Variants in RERE observed in about 807,000 individuals in gnomAD.
The protein encoded by RERE is arginine-glutamic acid dipeptide repeats protein.
A neutral mutation model predicts 146.1 loss-of-function variants in RERE; 40 were observed. The observed-to-expected ratio is 0.27, with a 90% CI of 0.21 to 0.36. The LOEUF is 0.36. RERE is among the 10% of genes least tolerant of loss of function. The pLI, the probability that RERE is intolerant of heterozygous loss-of-function variation, is 1.00. For missense variants in RERE, 1,933 were observed against 2,138.7 expected, an observed-to-expected ratio of 0.90 and a Z score of 1.90; for synonymous variants, 1,003 against 866.0, an observed-to-expected ratio of 1.16 and a Z score of -2.78.
rs749933005 is a variant in RERE, at chr1:8,643,019, G to T, written c.325+12954C>A. Among the ~76,000 whole-genome samples the T allele has an allele frequency of 2.0e-4, 30 of 152,134 alleles. 1 individual carries two copies. Among genetic ancestry groups the T allele is most frequent in the Non-Finnish European group, 4.1e-4 (28 of 68,014 alleles). ...TTTCCAAGTACCTGGGATACATCGG[G>T]GAAAAAGATCCCTGTCCTGCTGGAA... On this transcript the variant is annotated intron_variant, in intron 2 of 22. Transcript: ENST00000400908.
At chr1:8,785,645 G>A (rs768763789) in intron 1 of RERE, among the ~76,000 whole-genome samples, 8 of 152,002 alleles carry the variant, frequency 5.3e-5, no homozygotes, top group East Asian at 1.9e-4. Context: ...TTTTTGAGAC[G>A]AAGTCTCACT....
intron 4 of RERE, among the ~76,000 whole-genome samples, chr1:8,577,635 A>C (rs1646312413): frequency 6.6e-6 from 1 of 152,222 alleles, no homozygotes; most frequent in Non-Finnish European, 1.5e-5. Flanking sequence ...ATGTTTCTGA[A>C]AGTGAATAGG....
intron 7 of RERE, among the ~76,000 whole-genome samples, chr1:8,521,724 C>T (rs1437857859): frequency 1.3e-5 from 2 of 152,144 alleles, no homozygotes. Context: ...TCACCGCTTG[C>T]CCAATTGTCA....
chr1:8,614,212 C>T (rs377112539), intron 4 of RERE, among the ~76,000 whole-genome samples: 7 of 152,168 alleles, frequency 4.6e-5, no homozygotes, highest in African/African-American at 7.2e-5. Flanking sequence ...CCTGGGGAAA[C>T]GCACATTCCA....
chr1:8,793,994 G>A (rs1215654870), intron 1 of RERE, among the ~76,000 whole-genome samples: 1 of 151,988 alleles, frequency 6.6e-6, no homozygotes. Context: ...CTTGAACCCA[G>A]GGGGTGGAGG....
rs75228287 is a variant in RERE, at chr1:8,520,567, A to G, written c.831-11892T>C. On this transcript the variant is annotated intron_variant, in intron 7 of 22. Transcript: ENST00000400908. The stretch of plus-strand genomic sequence containing the variant: ...ATAGTGACTTTGCTCCGTTGTCTAA[A>G]TTTCTTATCTGCCTTCTCTCTCTTC... 4.3e-3 allele frequency among the ~76,000 whole-genome samples: 652 copies of G among 152,150 alleles called. 4 individuals carry two copies. Among genetic ancestry groups the G allele is most frequent in the African/African-American group, 0.015 (630 of 41,512 alleles).
At chr1:8,701,162 G>A (rs1303582569) in intron 1 of RERE, among the ~76,000 whole-genome samples, 3 of 152,084 alleles carry the variant, frequency 2.0e-5, no homozygotes, top group South Asian at 2.1e-4. Flanking sequence ...ATCACACACA[G>A]GCAATTCACT....
chr1:8,500,000 G>A (rs1295737465), intron 8 of RERE, among the ~76,000 whole-genome samples: 1 of 152,208 alleles, frequency 6.6e-6, no homozygotes, highest in African/African-American at 2.4e-5. Context: ...CACGCCTATA[G>A]TGCCAGCTAC....
At chr1:8,751,911 G>A (rs1186534730) in intron 1 of RERE, among the ~76,000 whole-genome samples, 1 of 149,232 alleles carries the variant, frequency 6.7e-6, no homozygotes, top group Non-Finnish European at 1.5e-5. Context: ...GCACTTGACT[G>A]TAGTACGGGA....
intron 1 of RERE, among the ~76,000 whole-genome samples, chr1:8,801,270 GT>G (rs1373113921): frequency 1.2e-5 from 1 of 83,336 alleles, no homozygotes. Context: ...AAAAAAAATT[GT>G]TCTTTTTTTT....
chr1:8,761,574 T>C (rs1640756027), intron 1 of RERE, among the ~76,000 whole-genome samples: 1 of 152,174 alleles, frequency 6.6e-6, no homozygotes, highest in South Asian at 2.1e-4. Context: ...ATTCTACCTC[T>C]ACAACGTCTC....
At chr1:8,513,866 T>C (rs770504819) in intron 7 of RERE, among the ~76,000 whole-genome samples, 1 of 152,258 alleles carries the variant, frequency 6.6e-6, no homozygotes, top group East Asian at 1.9e-4. Flanking sequence ...AGCCTATCAA[T>C]AGTCTTTTGA....
intron 1 of RERE, among the ~76,000 whole-genome samples, chr1:8,734,046 G>T (rs907959969): frequency 2.6e-5 from 4 of 152,184 alleles, no homozygotes. Flanking sequence ...GGTGGAGGTT[G>T]CAGTCAGCCG....
At chr1:8,410,426 C>T (rs1195171863) in intron 12 of RERE, among the ~76,000 whole-genome samples, 1 of 152,084 alleles carries the variant, frequency 6.6e-6, no homozygotes, top group African/African-American at 2.4e-5. Flanking sequence ...ATGAGGAAGA[C>T]GTTATGGCAA....
intron 1 of RERE, among the ~76,000 whole-genome samples, chr1:8,668,936 G>T (rs1042739940): frequency 4.3e-5 from 3 of 69,152 alleles, no homozygotes; most frequent in Non-Finnish European, 5.9e-5. Context: ...GTGTGTGTGT[G>T]TGTGTGTGTG....
intron 1 of RERE, among the ~76,000 whole-genome samples, chr1:8,668,041 A>G (rs1447933196): frequency 1.3e-5 from 2 of 152,234 alleles, no homozygotes; most frequent in Non-Finnish European, 2.9e-5. Flanking sequence ...TCCCCTGGGG[A>G]GCAAATATGC....
At position 8,399,087 on chromosome 1, in the gene RERE, G is replaced by A. The variant is rs368699973; in HGVS notation, c.1284+23640C>T. On this transcript the variant is annotated intron_variant, in intron 12 of 22. Transcript: ENST00000400908. ...CACCCATTTTTCTATTGAACTGCTT[G>A]TGTCTATTATAGATTTCTACAAGTT... Among the ~76,000 whole-genome samples, 12 of 151,494 alleles carry A rather than the reference G, an allele frequency of 7.9e-5. No homozygotes were observed. The South Asian group carries it at 2.3e-3, about 29-fold the overall frequency.
chr1:8,569,451 G>T (rs995933147), intron 4 of RERE, among the ~76,000 whole-genome samples: 9 of 152,182 alleles, frequency 5.9e-5, no homozygotes, highest in African/African-American at 2.2e-4. Flanking sequence ...AGACTTTGCG[G>T]TAATGAGCAG....
chr1:8,359,630 TA>T, intron 19 of RERE, 133 bp downstream of exon 19: 1 of 995,296 alleles, frequency 1.0e-6, no homozygotes, highest in Non-Finnish European at 1.5e-6. Context: ...AGACAGGGTG[TA>T]AATAGCACCC....
Sources: gnomAD v4.1 joint callset for allele counts (sites outside exome capture counted in the v4.1 genomes callset) on GRCh38, gnomAD v4.1.1 for gene constraint, MANE v1.5 for transcripts, NCBI Gene and HGNC (gene_info 2026-07-23, HGNC 2026-07-21) for gene names.